Variants in DLEU7 observed in about 807,000 individuals in gnomAD.
DLEU7 encodes deleted in lymphocytic leukemia 7.
A neutral mutation model predicts 16.0 loss-of-function variants in DLEU7; 17 were observed. That is an observed-to-expected ratio of 1.06 (90% confidence interval 0.73 to 1.59). The LOEUF (loss-of-function observed/expected upper bound fraction) is 1.59. Ranked by LOEUF, DLEU7 falls within the 40% of genes most tolerant of loss-of-function variation. The probability of loss-of-function intolerance (pLI) is 0.00; values close to 1 mark genes in which losing one functional copy is unlikely to be tolerated. For missense variants in DLEU7, 308 were observed against 314.9 expected, an observed-to-expected ratio of 0.98 and a Z score of 0.17; for synonymous variants, 113 against 139.8, an observed-to-expected ratio of 0.81 and a Z score of 1.35.
chr13:50,755,202 G>A (rs1339408538), intron 1 of DLEU7, among the ~76,000 whole-genome samples: 2 of 152,154 alleles, frequency 1.3e-5, no homozygotes, highest in South Asian at 2.1e-4. Context: ...TTTCCCAGGT[G>A]TTCTTTGTGC....
rs192211764 is a variant in DLEU7, at chr13:50,798,893, C to T, written c.459+44295G>A. Reference sequence around the variant, plus strand: ...CTCACCTGTGTGGGCCTCCTTCCCTCCTCACTCCACCTGCAGAAAAGGCAT... The same window carrying T: ...CTCACCTGTGTGGGCCTCCTTCCCTTCTCACTCCACCTGCAGAAAAGGCAT... On this transcript the variant is annotated intron_variant, in intron 1 of 1. Coordinates refer to the DLEU7 transcript ENST00000400393. Among the ~76,000 whole-genome samples, 22 of 152,324 alleles carry T rather than the reference C, an allele frequency of 1.4e-4. No homozygotes were observed. In the East Asian group the frequency reaches 2.5e-3, roughly 17 times the overall value.
At chr13:50,737,655 T>C (rs774410475) in intron 1 of DLEU7, among the ~76,000 whole-genome samples, 14 of 152,188 alleles carry the variant, frequency 9.2e-5, no homozygotes, top group South Asian at 2.1e-4. Context: ...TGGATCAATG[T>C]TGTGCGTGTT....
chr13:50,775,510 T>C (rs1482004001), intron 1 of DLEU7, among the ~76,000 whole-genome samples: 1 of 152,200 alleles, frequency 6.6e-6, no homozygotes, highest in Non-Finnish European at 1.5e-5. Context: ...AGCTTTTGTT[T>C]TCTCTTGAGT....
intron 1 of DLEU7, among the ~76,000 whole-genome samples, chr13:50,737,887 C>G (rs2761851): frequency 0.12 from 17,606 of 151,894 alleles, 1,163 homozygotes; most frequent in African/African-American, 0.18. Context: ...CCTGTAAAAA[C>G]CCAAGATGGG....
At chr13:50,824,423 T>C (rs928161989) in intron 1 of DLEU7, among the ~76,000 whole-genome samples, 13 of 152,124 alleles carry the variant, frequency 8.5e-5, no homozygotes, top group African/African-American at 3.1e-4. Context: ...CCTAAGGAAT[T>C]CTCTTTGCTA....
In DLEU7 at chr13:50,793,053, A is replaced by G. The variant is rs1042567382; in HGVS notation, c.459+50135T>C. On this transcript the variant is annotated intron_variant, in intron 1 of 1. Transcript: ENST00000400393. ...CTTCTTCCCATTTCTAGTAGTTCCCAGTATCTATTGTTCCTGTTTTTTGTG... is the reference window on the plus strand; with the variant it reads ...CTTCTTCCCATTTCTAGTAGTTCCCGGTATCTATTGTTCCTGTTTTTTGTG... Among the ~76,000 whole-genome samples, 4 of 151,866 alleles carry G rather than the reference A, an allele frequency of 2.6e-5. No individual in the cohort carries two copies. In the South Asian group the frequency reaches 8.3e-4, roughly 32 times the overall value.
At chr13:50,783,492 T>C (rs746607611) in intron 1 of DLEU7, among the ~76,000 whole-genome samples, 2 of 152,208 alleles carry the variant, frequency 1.3e-5, no homozygotes, top group African/African-American at 4.8e-5. Flanking sequence ...ATAATTATTC[T>C]GTAGTTTCAT....
At chr13:50,746,568 C>T (rs1377742081) in intron 1 of DLEU7, among the ~76,000 whole-genome samples, 1 of 152,060 alleles carries the variant, frequency 6.6e-6, no homozygotes, top group African/African-American at 2.4e-5. Flanking sequence ...TAATACCTTC[C>T]CCTCTGAGTA....
At chr13:50,724,319 A>C (rs1179664922) in intron 1 of DLEU7, among the ~76,000 whole-genome samples, 1 of 152,166 alleles carries the variant, frequency 6.6e-6, no homozygotes, top group African/African-American at 2.4e-5. Context: ...ATTAACTTAT[A>C]TTATAAAATT....
At chr13:50,717,340 A>T (rs1873466175) in intron 1 of DLEU7, among the ~76,000 whole-genome samples, 1 of 152,240 alleles carries the variant, frequency 6.6e-6, no homozygotes, top group African/African-American at 2.4e-5. Context: ...AAAGTTGATG[A>T]ATCATCTGGT....
At chr13:50,802,014 A>G (rs1371663366) in intron 1 of DLEU7, among the ~76,000 whole-genome samples, 2 of 150,526 alleles carry the variant, frequency 1.3e-5, no homozygotes, top group Admixed American at 1.3e-4. Flanking sequence ...GATCAGTGCC[A>G]CTAAAGGTGG....
At position 50,729,637 on chromosome 13, in the gene DLEU7, A is replaced by C. The variant is rs1015860215; in HGVS notation, c.460-16397T>G. Reference sequence around the variant, plus strand: ...CTTTCCACAGTGGCTGAACTAATTTATAATACAGTGTGTAAGCAGAGTATA... The same window carrying C: ...CTTTCCACAGTGGCTGAACTAATTTCTAATACAGTGTGTAAGCAGAGTATA... On this transcript the variant is annotated intron_variant, in intron 1 of 1. Transcript: ENST00000400393. 4.5e-4 allele frequency among the ~76,000 whole-genome samples: 69 copies of C among 152,234 alleles called. 1 individual carries two copies. Among genetic ancestry groups the C allele is most frequent in the African/African-American group, 1.6e-3 (66 of 41,468 alleles).
chr13:50,755,199 G>T (rs1874716902), intron 1 of DLEU7, among the ~76,000 whole-genome samples: 1 of 152,280 alleles, frequency 6.6e-6, no homozygotes, highest in South Asian at 2.1e-4. Context: ...GAATTTCCCA[G>T]GTGTTCTTTG....
At chr13:50,724,137 T>C (rs1467417998) in intron 1 of DLEU7, among the ~76,000 whole-genome samples, 1 of 152,150 alleles carries the variant, frequency 6.6e-6, no homozygotes, top group Non-Finnish European at 1.5e-5. Context: ...GAATGGCACA[T>C]AGCCCATCAC....
rs1340423555 is a variant in DLEU7 at position 50,833,955 on chromosome 13, A to T, written c.459+9233T>A. 3.3e-5 allele frequency among the ~76,000 whole-genome samples: 5 copies of T among 152,336 alleles called. No individual in the cohort carries two copies. In the South Asian group the frequency reaches 1.0e-3, roughly 32 times the overall value. The stretch of plus-strand genomic sequence containing the variant: ...ACAATGGGGAAAGGATTCCCTATTT[A>T]AAAAATAGTGTTGGGAAAACTGACT... On this transcript the variant is annotated intron_variant, in intron 1 of 1. Transcript: ENST00000504404.
downstream of DLEU7, among the ~76,000 whole-genome samples, chr13:50,821,873 A>G (rs759534258): frequency 1.2e-4 from 18 of 152,158 alleles, no homozygotes; most frequent in Non-Finnish European, 2.1e-4. Context: ...TCATAAAAGA[A>G]AGGCATCGCC....
intron 1 of DLEU7, among the ~76,000 whole-genome samples, chr13:50,723,712 C>T (rs955849223): frequency 6.6e-6 from 1 of 151,988 alleles, no homozygotes; most frequent in South Asian, 2.1e-4. Context: ...CTCAAAACCT[C>T]GTCTAAGCCT....
chr13:50,721,871 G>A (rs570336531), intron 1 of DLEU7, among the ~76,000 whole-genome samples: 2 of 152,212 alleles, frequency 1.3e-5, no homozygotes, highest in African/African-American at 4.8e-5. Context: ...CACTAGAAAA[G>A]AAATGCAAAT....
intron 1 of DLEU7, among the ~76,000 whole-genome samples, chr13:50,776,008 G>GT (rs1486480391): frequency 6.6e-6 from 1 of 152,084 alleles, no homozygotes; most frequent in African/African-American, 2.4e-5. Flanking sequence ...TAGGAAATCT[G>GT]TTTTTTCAAA....
Sources: gnomAD v4.1 joint callset for allele counts (sites outside exome capture counted in the v4.1 genomes callset) on GRCh38, gnomAD v4.1.1 for gene constraint, MANE v1.5 for transcripts, NCBI Gene and HGNC (gene_info 2026-07-23, HGNC 2026-07-21) for gene names.